Variants in RAB38 observed in about 807,000 individuals in gnomAD.
RAB38 encodes RAB38, member RAS oncogene family.
A neutral mutation model predicts 18.4 loss-of-function variants in RAB38; 15 were observed. That is an observed-to-expected ratio of 0.82 (90% CI 0.55 to 1.26). The LOEUF (loss-of-function observed/expected upper bound fraction) is 1.26, where lower values mean the gene tolerates loss of function less well. RAB38 is among the 50% of genes most tolerant of loss of function. RAB38 has a pLI of 0.00. For synonymous variants in RAB38, 101 were observed against 104.4 expected (o/e 0.97, Z 0.20); for missense variants, 294 against 267.4 (o/e 1.10, Z -0.69).
chr11:87,872,637 A>C, the RAB38 span, among the ~76,000 whole-genome samples: 1 of 151,612 alleles, frequency 6.6e-6, no homozygotes, highest in Non-Finnish European at 1.5e-5. Flanking sequence ...ATCACTGATT[A>C]CTGTCTCCAT....
At chr11:87,888,668 C>G in the RAB38 span, among the ~76,000 whole-genome samples, 6 of 151,932 alleles carry the variant, frequency 3.9e-5, no homozygotes, top group Admixed American at 3.9e-4. Flanking sequence ...TCCCTGCCTG[C>G]TCCTTCCACA....
At chr11:87,875,640 T>G in the RAB38 span, among the ~76,000 whole-genome samples, 1 of 151,600 alleles carries the variant, frequency 6.6e-6, no homozygotes, top group Non-Finnish European at 1.5e-5. Flanking sequence ...CTTAAATTTT[T>G]CTAGTAATTT....
chr11:87,867,173 A>G, the RAB38 span, among the ~76,000 whole-genome samples: 1 of 151,746 alleles, frequency 6.6e-6, no homozygotes, highest in Non-Finnish European at 1.5e-5. Context: ...TTGGCAGCAG[A>G]CCAGAAGATA....
the RAB38 span, among the ~76,000 whole-genome samples, chr11:87,881,291 A>G: frequency 6.6e-6 from 1 of 151,834 alleles, no homozygotes. Flanking sequence ...TTGTTGATTC[A>G]TGTTTTATCC....
the RAB38 span, among the ~76,000 whole-genome samples, chr11:87,969,138 A>AT: frequency 6.6e-6 from 1 of 152,136 alleles, no homozygotes; most frequent in Admixed American, 6.6e-5. Context: ...AAGGAAGAAG[A>AT]TAAAAAGTTA....
At chr11:88,019,033 C>A in the RAB38 span, among the ~76,000 whole-genome samples, 1 of 151,872 alleles carries the variant, frequency 6.6e-6, no homozygotes, top group East Asian at 1.9e-4. Context: ...TTTCTATTTT[C>A]TTTGATGAAT....
intron 1 of RAB38, among the ~76,000 whole-genome samples, chr11:88,151,006 T>C (rs748677435): frequency 5.9e-5 from 9 of 152,176 alleles, no homozygotes; most frequent in Non-Finnish European, 1.0e-4. Flanking sequence ...AAAGCTCTCC[T>C]ACAGCAAAAC....
the RAB38 span, among the ~76,000 whole-genome samples, chr11:88,023,779 G>T: frequency 6.6e-6 from 1 of 152,004 alleles, no homozygotes; most frequent in African/African-American, 2.4e-5. Flanking sequence ...AAGGTGCCAA[G>T]AACATACATC....
intron 2 of RAB38, among the ~76,000 whole-genome samples, chr11:88,138,745 A>G (rs1942864697): frequency 6.6e-6 from 1 of 151,814 alleles, no homozygotes; most frequent in Admixed American, 6.6e-5. Flanking sequence ...CCTGTTAAAC[A>G]TGCATTTTAT....
the RAB38 span, among the ~76,000 whole-genome samples, chr11:87,838,272 G>A: frequency 1.0e-3 from 158 of 151,926 alleles, no homozygotes; most frequent in African/African-American, 3.6e-3. Flanking sequence ...CTGCCACCAC[G>A]CCCAGCTAAT....
At chr11:88,036,716 A>G in the RAB38 span, among the ~76,000 whole-genome samples, 2 of 152,024 alleles carry the variant, frequency 1.3e-5, no homozygotes, top group African/African-American at 4.8e-5. Context: ...GAACATATCA[A>G]TGGAATCAAA....
the RAB38 span, among the ~76,000 whole-genome samples, chr11:87,819,802 A>G: frequency 1.7e-3 from 253 of 146,434 alleles, 1 homozygote; most frequent in African/African-American, 5.3e-3. Context: ...GTGTGTGTGT[A>G]TATATATATA....
chr11:88,024,045 G>C, the RAB38 span, among the ~76,000 whole-genome samples: 997 of 152,070 alleles, frequency 6.6e-3, 9 homozygotes, highest in African/African-American at 0.023. Flanking sequence ...ATGAACAAAT[G>C]GGATCACATC....
At chr11:87,932,622 G>GA in the RAB38 span, among the ~76,000 whole-genome samples, 1 of 152,054 alleles carries the variant, frequency 6.6e-6, no homozygotes, top group African/African-American at 2.4e-5. Flanking sequence ...AGCCTCCCAT[G>GA]AAAAACCCAA....
chr11:88,019,555 G>A, the RAB38 span, among the ~76,000 whole-genome samples: 2 of 152,024 alleles, frequency 1.3e-5, no homozygotes, highest in South Asian at 2.1e-4. Context: ...ATCATTCCCT[G>A]CTATCAACAC....
At chr11:88,098,178 G>A in the RAB38 span, 1 of 151,902 alleles carries the variant, frequency 6.6e-6, no homozygotes, top group East Asian at 1.9e-4. Context: ...CAGCAAACAG[G>A]AAAGGGACAC....
the RAB38 span, among the ~76,000 whole-genome samples, chr11:87,962,887 A>G: frequency 5.9e-5 from 9 of 152,170 alleles, no homozygotes; most frequent in African/African-American, 1.9e-4. Context: ...CATTATATAC[A>G]TATATCATAA....
At chr11:87,862,954 CTAATT>C in the RAB38 span, among the ~76,000 whole-genome samples, 3 of 151,822 alleles carry the variant, frequency 2.0e-5, no homozygotes, top group African/African-American at 7.2e-5. Flanking sequence ...AGCAGTCACT[CTAATT>C]TAGTAATTCA....
chr11:88,012,483 A>G, the RAB38 span, among the ~76,000 whole-genome samples: 3 of 152,212 alleles, frequency 2.0e-5, no homozygotes, highest in African/African-American at 7.2e-5. Context: ...TAAAGTTTCT[A>G]TTAAAAAATA....
Sources: allele counts gnomAD v4.1 joint callset (sites outside exome capture counted in the v4.1 genomes callset), GRCh38; gene constraint gnomAD v4.1.1; transcripts MANE v1.5; gene names NCBI Gene and HGNC (gene_info 2026-07-23, HGNC 2026-07-21).